PPARD: variants seen among roughly 807,000 people sequenced by gnomAD.
PPARD encodes the protein peroxisome proliferator activated receptor delta.
Under a neutral mutation model 39.5 loss-of-function variants are expected in PPARD, and 6 were observed. The observed-to-expected ratio is 0.15, with a 90% confidence interval of 0.08 to 0.30. PPARD has a LOEUF of 0.30. Among genes scored for constraint, PPARD ranks in the 10% least tolerant of loss-of-function variants. PPARD has a pLI of 1.00. For synonymous variants in PPARD, 210 were observed against 231.3 expected, an observed-to-expected ratio of 0.91 and a Z score of 0.83; for missense variants, 397 against 596.8, an observed-to-expected ratio of 0.67 and a Z score of 3.49.
intron 1 of PPARD, among the ~76,000 whole-genome samples, chr6:35,344,490 G>A (rs6920146): frequency 0.047 from 7,179 of 151,862 alleles, 388 homozygotes; most frequent in African/African-American, 0.14. Context: ...GAAGATTCTC[G>A]TCATATCCTT....
In PPARD at chr6:35,423,136, C is replaced by T. The variant is rs192322997; in HGVS notation, c.425-810C>T. Among the ~76,000 whole-genome samples the T allele has an allele frequency of 5.9e-4, 88 of 149,752 alleles. 1 individual carries two copies. Among genetic ancestry groups the T allele is most frequent in the African/African-American group, 2.0e-3 (83 of 40,554 alleles). On this transcript the variant is annotated intron_variant, in intron 5 of 7. Coordinates refer to ENST00000360694, the MANE Select transcript of PPARD (RefSeq NM_006238.5). ...GTCCCAGCTACTCAGAAGGCTGAGG[C>T]GGGAGGATCACTTTAGCCCAGGAGG...
At chr6:35,344,367 C>T (rs999823089) in intron 1 of PPARD, among the ~76,000 whole-genome samples, 11 of 151,888 alleles carry the variant, frequency 7.2e-5, no homozygotes, top group African/African-American at 1.9e-4. Flanking sequence ...GTAGTTAGAC[C>T]TTGTCAGGAA....
At chr6:35,384,910 G>A (rs1461716963) in intron 2 of PPARD, among the ~76,000 whole-genome samples, 5 of 131,510 alleles carry the variant, frequency 3.8e-5, no homozygotes, top group Non-Finnish European at 8.0e-5. Flanking sequence ...CGCCCCTACT[G>A]GGAAGTGAGG....
At chr6:35,352,275 G>A (rs768360512) in intron 2 of PPARD, among the ~76,000 whole-genome samples, 1 of 149,966 alleles carries the variant, frequency 6.7e-6, no homozygotes, top group Non-Finnish European at 1.5e-5. Context: ...CCTCCGCCTC[G>A]TGGGTTCAAG....
chr6:35,347,277 A>G, intron 2 of PPARD, 127 bp downstream of exon 2: 3 of 1,149,630 alleles, frequency 2.6e-6, no homozygotes, highest in Non-Finnish European at 2.5e-6. Context: ...TTCCTGTCAC[A>G]GCATCTGGTA....
At chr6:35,354,361 T>C (rs1209075928) in intron 2 of PPARD, among the ~76,000 whole-genome samples, 5 of 146,128 alleles carry the variant, frequency 3.4e-5, no homozygotes, top group Admixed American at 1.4e-4. Flanking sequence ...AGTGCAGTGG[T>C]GTGATCTCGG....
intron 2 of PPARD, among the ~76,000 whole-genome samples, chr6:35,387,005 A>G (rs1763707152): frequency 6.6e-6 from 1 of 151,182 alleles, no homozygotes; most frequent in East Asian, 2.0e-4. Flanking sequence ...CTCCTGACAA[A>G]TATATAAACT....
chr6:35,409,521 C>CA (rs765876063), intron 2 of PPARD, among the ~76,000 whole-genome samples: 90 of 144,054 alleles, frequency 6.2e-4, no homozygotes, highest in Middle Eastern at 3.4e-3. Context: ...ATAACAACAA[C>CA]AACAAAAAAA....
intron 1 of PPARD, among the ~76,000 whole-genome samples, chr6:35,345,906 T>C (rs1259949101): frequency 2.1e-5 from 3 of 142,510 alleles, no homozygotes; most frequent in Admixed American, 7.2e-5. Context: ...AGATGGAGTC[T>C]CGCTCTGTCG....
chr6:35,381,785 A>T (rs1050493664), intron 2 of PPARD, among the ~76,000 whole-genome samples: 1 of 152,236 alleles, frequency 6.6e-6, no homozygotes, highest in Non-Finnish European at 1.5e-5. Flanking sequence ...GGGAGAATGG[A>T]TATTGTGTAA....
intron 3 of PPARD, among the ~76,000 whole-genome samples, chr6:35,417,059 C>T (rs1165062299): frequency 6.6e-6 from 1 of 152,208 alleles, no homozygotes; most frequent in African/African-American, 2.4e-5. Flanking sequence ...CTCACTGCAA[C>T]CTGGACCTCC....
At position 35,424,941 on chromosome 6, in the gene PPARD, G is replaced by C. The variant is rs1766472850; in HGVS notation, c.1078+162G>C. Reference sequence around the variant, plus strand: ...GGCACTGACTGAGCATGCAGGATCAGCTCCATCTCATTATGTACGTAGATA... The same window carrying C: ...GGCACTGACTGAGCATGCAGGATCACCTCCATCTCATTATGTACGTAGATA... On this transcript the variant is annotated intron_variant, in intron 7 of 7. Coordinates refer to ENST00000360694, the MANE Select transcript of PPARD (RefSeq NM_006238.5). This position sits in a 1 kb window ranked among gnomAD's most constrained non-coding sequence, Gnocchi z 7.1. 1.4e-6 allele frequency: 2 copies of C among 1,438,390 alleles called. No individual in the cohort carries two copies. Among genetic ancestry groups the C allele is most frequent in the African/African-American group, 1.4e-5 (1 of 69,834 alleles). 89.1% of individuals were successfully genotyped at this position (1,438,390 alleles called of 1,614,324 possible). A position where few individuals can be genotyped will look rare whatever the true frequency, so the allele number is the denominator to read the frequency against.
At chr6:35,345,860 G>A (rs1480414378) in intron 1 of PPARD, among the ~76,000 whole-genome samples, 1 of 147,492 alleles carries the variant, frequency 6.8e-6, no homozygotes, top group African/African-American at 2.5e-5. Context: ...AGTTGGACCT[G>A]TCACTTTTTT....
chr6:35,420,078 T>C, intron 3 of PPARD, 49 bp from the exon 4 acceptor site: 1 of 1,593,040 alleles, frequency 6.3e-7, no homozygotes, highest in Non-Finnish European at 8.5e-7. Flanking sequence ...ACGCCCTGGC[T>C]TCCAGGCCTG....
At chr6:35,375,167 C>T (rs1762737376) in intron 2 of PPARD, among the ~76,000 whole-genome samples, 1 of 145,576 alleles carries the variant, frequency 6.9e-6, no homozygotes, top group South Asian at 2.2e-4. Flanking sequence ...TTTTTTAGTA[C>T]TTTCCATGTA....
rs1581680195 is a variant in PPARD at position 35,425,031 on chromosome 6, G to A, written c.1078+252G>A. The A allele has an allele frequency of 7.6e-7, 1 of 1,307,254 alleles. No homozygotes were observed. Among genetic ancestry groups the A allele is most frequent in the East Asian group, 3.2e-5 (1 of 31,312 alleles). 81.0% of individuals were successfully genotyped at this position (1,307,254 alleles called of 1,614,324 possible). The stretch of plus-strand genomic sequence containing the variant: ...CTCACACCTGTAATCCCAGCACTTT[G>A]GCAGGCCGAGGCGGGTGGATCACTT... On this transcript the variant is annotated intron_variant, in intron 7 of 7. Coordinates refer to ENST00000360694, the MANE Select transcript of PPARD (RefSeq NM_006238.5). The surrounding 1 kb of genome is among the most constrained non-coding windows in gnomAD (Gnocchi z 4.5).
At chr6:35,383,870 C>T (rs1763333444) in intron 2 of PPARD, among the ~76,000 whole-genome samples, 1 of 146,936 alleles carries the variant, frequency 6.8e-6, no homozygotes, top group Non-Finnish European at 1.5e-5. Context: ...CCTCTCCGCC[C>T]GGCAGCCACC....
intron 2 of PPARD, among the ~76,000 whole-genome samples, chr6:35,389,235 CA>C (rs1448468241): frequency 2.0e-5 from 3 of 152,164 alleles, no homozygotes; most frequent in African/African-American, 7.2e-5. Context: ...TTCAGGGGCA[CA>C]AAGAACCTTG....
At chr6:35,389,084 G>A (rs888250655) in intron 2 of PPARD, among the ~76,000 whole-genome samples, 1 of 152,162 alleles carries the variant, frequency 6.6e-6, no homozygotes, top group African/African-American at 2.4e-5. Context: ...AGGCTGAGGT[G>A]GGAGGATAGC....
Sources: allele counts gnomAD v4.1 joint callset (sites outside exome capture counted in the v4.1 genomes callset), GRCh38; gene constraint gnomAD v4.1.1; non-coding constraint Gnocchi (gnomAD v3.1); transcripts MANE v1.5; gene names NCBI Gene and HGNC (gene_info 2026-07-23, HGNC 2026-07-21).